SLC25A48: variants seen among roughly 807,000 people sequenced by gnomAD.
SLC25A48 encodes CTC-321K16.1.
In SLC25A48, 29 loss-of-function variants were observed where a neutral mutation model predicts 32.2. That is an observed-to-expected ratio of 0.90 (90% CI 0.67 to 1.23). The LOEUF is 1.23. SLC25A48 is among the 50% of genes most tolerant of loss of function. The pLI is 0.00. For synonymous variants in SLC25A48, 164 were observed against 172.3 expected (o/e 0.95, Z 0.38); for missense variants, 399 against 422.7 (o/e 0.94, Z 0.49).
rs566403649 is a variant in SLC25A48, at chr5:135,719,274, A to T, written c.-521+84318A>T. 7.9e-5 allele frequency among the ~76,000 whole-genome samples: 12 copies of T among 152,226 alleles called. No homozygotes were observed. The East Asian group carries it at 2.3e-3, about 29-fold the overall frequency. ...TTTTTCCCTTTGAGATTTTCCTAGA[A>T]CCCACTCTCTCATTGCATTCAGTCA... On this transcript the variant is annotated intron_variant, in intron 3 of 10. Transcript: ENST00000646290.
intron 3 of SLC25A48, among the ~76,000 whole-genome samples, chr5:135,692,666 G>A (rs969486259): frequency 6.6e-6 from 1 of 152,126 alleles, no homozygotes; most frequent in African/African-American, 2.4e-5. Flanking sequence ...GAGCTTAGAG[G>A]AGCTGTCTTC....
chr5:135,834,911 G>C lies in SLC25A48; in HGVS notation c.46+18G>C, dbSNP rs1240443917. 1 of 1,598,948 alleles carries C rather than the reference G, an allele frequency of 6.3e-7. No homozygotes were observed. The highest frequency in any genetic ancestry group is 1.1e-5 in the South Asian group (1 of 87,946). On this transcript the variant is annotated intron_variant, in intron 1 of 7. Transcript: ENST00000681962. Reference sequence around the variant, plus strand: ...GATCGGAGGTGAGTGTGCTTACCGGGGACCCCCGGTCAGAGAGAGCGAGCC... The same window carrying C: ...GATCGGAGGTGAGTGTGCTTACCGGCGACCCCCGGTCAGAGAGAGCGAGCC...
chr5:135,677,341 G>GT (rs1437114686), intron 3 of SLC25A48, among the ~76,000 whole-genome samples: 6 of 151,006 alleles, frequency 4.0e-5, no homozygotes, highest in Non-Finnish European at 7.4e-5. Context: ...TAAAGTCTAT[G>GT]TTTTTTGTAG....
chr5:135,767,150 G>T (rs181526000), intron 3 of SLC25A48, among the ~76,000 whole-genome samples: 65 of 149,492 alleles, frequency 4.3e-4, no homozygotes, highest in Admixed American at 1.4e-3. Flanking sequence ...TAGGGGGGCA[G>T]AGGGTTATAT....
chr5:135,733,337 G>A (rs777336615), intron 3 of SLC25A48, among the ~76,000 whole-genome samples: 2 of 152,156 alleles, frequency 1.3e-5, no homozygotes, highest in Non-Finnish European at 2.9e-5. Context: ...TGGGGTGAAC[G>A]TCAGGTGGAC....
intron 3 of SLC25A48, among the ~76,000 whole-genome samples, chr5:135,740,129 C>T (rs921022665): frequency 6.6e-6 from 1 of 152,052 alleles, no homozygotes; most frequent in Non-Finnish European, 1.5e-5. Flanking sequence ...AAAGAGATTG[C>T]TAACAGAAGA....
At chr5:135,633,116 G>C (rs528244924) in intron 2 of SLC25A48, among the ~76,000 whole-genome samples, 10 of 152,252 alleles carry the variant, frequency 6.6e-5, no homozygotes, top group African/African-American at 2.4e-4. Context: ...CAGCCAATCT[G>C]TACAAGGGGA....
intron 1 of SLC25A48, among the ~76,000 whole-genome samples, chr5:135,587,807 T>C (rs563915283): frequency 6.2e-4 from 94 of 152,130 alleles, no homozygotes; most frequent in African/African-American, 2.2e-3. Flanking sequence ...GAGCCAAGAG[T>C]GCGGCCCAGA....
At chr5:135,781,568 T>C (rs1380183047) in intron 3 of SLC25A48, among the ~76,000 whole-genome samples, 3 of 117,492 alleles carry the variant, frequency 2.6e-5, no homozygotes, top group Admixed American at 1.7e-4. Flanking sequence ...CTATTCCCAA[T>C]ATCGCAGTGG....
intron 3 of SLC25A48, among the ~76,000 whole-genome samples, chr5:135,682,630 A>G (rs1285040019): frequency 6.6e-6 from 1 of 152,094 alleles, no homozygotes; most frequent in African/African-American, 2.4e-5. Context: ...TGCCAATCAC[A>G]TTTCTTTATG....
intron 1 of SLC25A48, chr5:135,835,119 T>C: frequency 4.2e-6 from 3 of 708,050 alleles, no homozygotes; most frequent in Non-Finnish European, 7.8e-6. Context: ...TCTGATTTGC[T>C]CATTAAGTTA....
intron 3 of SLC25A48, among the ~76,000 whole-genome samples, chr5:135,726,347 A>G (rs1392474893): frequency 6.6e-6 from 1 of 152,246 alleles, no homozygotes; most frequent in Non-Finnish European, 1.5e-5. Context: ...AACATCTTGC[A>G]AAAGTATAGT....
exon 1 of SLC25A48, chr5:135,579,247 A>G (rs1751177368): frequency 4.8e-6 from 1 of 208,758 alleles, no homozygotes; most frequent in Non-Finnish European, 9.4e-6. Flanking sequence ...GCCTTCGCAC[A>G]CTTGCACACC....
At chr5:135,770,432 C>A (rs1431927038) in intron 3 of SLC25A48, among the ~76,000 whole-genome samples, 2 of 151,620 alleles carry the variant, frequency 1.3e-5, no homozygotes, top group East Asian at 3.9e-4. Context: ...GGGGTGGACA[C>A]CTCTCCTGTG....
rs561652943 is a variant in SLC25A48 at position 135,691,266 on chromosome 5, C to G, written c.-521+56310C>G. The stretch of plus-strand genomic sequence containing the variant: ...TCATAAATTTTACTCACAGATAGAC[C>G]TGCTATTCAGAGGCTGTGGCTTTCA... On this transcript the variant is annotated intron_variant, in intron 3 of 10. Coordinates refer to the SLC25A48 transcript ENST00000646290. 2.0e-5 allele frequency among the ~76,000 whole-genome samples: 3 copies of G among 152,312 alleles called. No individual in the cohort carries two copies. In the South Asian group the frequency reaches 6.2e-4, roughly 32 times the overall value.
At chr5:135,694,208 C>T (rs775699794) in intron 3 of SLC25A48, among the ~76,000 whole-genome samples, 2 of 152,146 alleles carry the variant, frequency 1.3e-5, no homozygotes, top group Non-Finnish European at 2.9e-5. Flanking sequence ...CACCACGGGT[C>T]TCCTGGGCGG....
chr5:135,639,359 A>G lies in SLC25A48; in HGVS notation c.-521+4403A>G, dbSNP rs1752781443. Among the ~76,000 whole-genome samples the G allele has an allele frequency of 2.0e-5, 3 of 152,218 alleles. No individual in the cohort carries two copies. In the South Asian group the frequency reaches 6.2e-4, roughly 32 times the overall value. On this transcript the variant is annotated intron_variant, in intron 3 of 10. Transcript: ENST00000646290. The stretch of plus-strand genomic sequence containing the variant: ...TTATATTCCACAAACACCCATCACC[A>G]GCTTTTTTGAAAAAATAAAATATAG...
At position 135,778,650 on chromosome 5, in the gene SLC25A48, A is replaced by T. The variant is rs146283182; in HGVS notation, c.-520-33873A>T. Among the ~76,000 whole-genome samples the T allele has an allele frequency of 1.9e-3, 287 of 149,750 alleles. 2 individuals are homozygous for T. The highest frequency in any genetic ancestry group is 6.7e-3 in the African/African-American group (273 of 40,724). On this transcript the variant is annotated intron_variant, in intron 3 of 10. Coordinates refer to the SLC25A48 transcript ENST00000646290. ...CTGTTCTTAACTTTCAGTGTGAGAG[A>T]GGGTGACATTGCTCCCAGTATCACA...
At chr5:135,600,695 T>A (rs914445298) in intron 1 of SLC25A48, among the ~76,000 whole-genome samples, 13 of 152,170 alleles carry the variant, frequency 8.5e-5, no homozygotes, top group South Asian at 2.1e-4. Flanking sequence ...TTATTTATTT[T>A]TTTTTGAGAT....
Sources: gnomAD v4.1 joint callset for allele counts (sites outside exome capture counted in the v4.1 genomes callset) on GRCh38, gnomAD v4.1.1 for gene constraint, MANE v1.5 for transcripts, NCBI Gene and HGNC (gene_info 2026-07-23, HGNC 2026-07-21) for gene names.